RHBG: variants seen among roughly 807,000 people sequenced by gnomAD.
RHBG encodes Rh family B glycoprotein, also known as ammonium transporter Rh type B.
A neutral mutation model predicts 40.1 loss-of-function variants in RHBG; 39 were observed. The ratio of observed to expected loss-of-function variants is 0.97; its 90% CI spans 0.75 to 1.27. RHBG has a LOEUF of 1.27. Among genes scored for constraint, RHBG ranks in the 50% most tolerant of loss-of-function variants. The pLI is 0.00. For synonymous variants in RHBG, 237 were observed against 252.5 expected, an observed-to-expected ratio of 0.94 and a Z score of 0.58; for missense variants, 549 against 588.1, an observed-to-expected ratio of 0.93 and a Z score of 0.69.
At chr1:156,376,852 C>A (rs977903948) in intron 1 of RHBG, among the ~76,000 whole-genome samples, 1 of 152,012 alleles carries the variant, frequency 6.6e-6, no homozygotes, top group Non-Finnish European at 1.5e-5. Context: ...ACTTAAAAAT[C>A]CTCAAAAGGA....
At chr1:156,378,894 C>A (rs2101787686) in intron 4 of RHBG, among the ~76,000 whole-genome samples, 1 of 152,308 alleles carries the variant, frequency 6.6e-6, no homozygotes, top group South Asian at 2.1e-4. Flanking sequence ...AGCCCCTGCA[C>A]TCTCAGGCAG....
chr1:156,381,792 T>G lies in RHBG; in HGVS notation c.841-14T>G. 2 of 1,577,710 alleles carry G rather than the reference T, an allele frequency of 1.3e-6. No homozygotes were observed. The highest frequency in any genetic ancestry group is 1.7e-6 in the Non-Finnish European group (2 of 1,169,374). On this transcript the variant is annotated splice_polypyrimidine_tract_variant and intron_variant, in intron 5 of 9. Coordinates refer to ENST00000537040, the MANE Select transcript of RHBG (RefSeq NM_020407.5). Reference sequence around the variant, plus strand: ...CAATCTGAAAGGGCCTCCAACACCTTGCTCTTCCCTTAGGTCCACATCCAA... The same window carrying G: ...CAATCTGAAAGGGCCTCCAACACCTGGCTCTTCCCTTAGGTCCACATCCAA...
chr1:156,382,770 A>C lies in RHBG; in HGVS notation c.1135A>C (p.Ile379Leu), dbSNP rs747815208. The C allele has an allele frequency of 1.2e-6, 2 of 1,614,130 alleles. No individual in the cohort carries two copies. Among genetic ancestry groups the C allele is most frequent in the Non-Finnish European group, 8.5e-7 (1 of 1,180,036 alleles). The change falls in exon 8 of 10, where the codon ATA (isoleucine) becomes CTA (leucine). Residue 379 changes from isoleucine to leucine, a missense_variant. Ile to Leu is a conservative substitution (Grantham distance 5). Around this residue, in one of 3 missense-constraint regions of RHBG, gnomAD observed 399 missense variants for 417.0 expected, o/e 0.96. Coordinates refer to ENST00000537040, the MANE Select transcript of RHBG (RefSeq NM_020407.5). The stretch of plus-strand genomic sequence containing the variant: ...CAGCCTGGAGAGTGTGTTTCCACTC[A>C]TAGCCGAGGGCCAGCGCAGTGCCAC... The part of the protein sequence containing the change: ...GDGLESVFPL[I>L]AEGQRSATSQ...
chr1:156,371,453 C>T (rs1666858228), intron 1 of RHBG: 1 of 259,474 alleles, frequency 3.9e-6, no homozygotes, highest in South Asian at 3.7e-5. Context: ...AGCCACTGCA[C>T]CTGGCCCTAT....
chr1:156,372,251 G>T (rs1420727927), intron 1 of RHBG, among the ~76,000 whole-genome samples: 1 of 152,222 alleles, frequency 6.6e-6, no homozygotes, highest in Non-Finnish European at 1.5e-5. Context: ...GAGTGAGTCA[G>T]AGAGGTCATG....
At position 156,382,816 on chromosome 1, in the gene RHBG, T is replaced by A. The variant is rs1667756580; in HGVS notation, c.1181T>A (p.Leu394His). Residue 394 changes from leucine (L) to histidine (H), a missense_variant, in exon 8 of 10, where the codon CTC becomes CAC. Leu to His is a moderately conservative substitution (Grantham distance 99, BLOSUM62 -3). Coordinates refer to ENST00000537040, the MANE Select transcript of RHBG (RefSeq NM_020407.5). ...RSATSQAMHQ[L>H]FGLFVTLMFA... ...GCCACGTCACAGGCCATGCACCAGCTCTTCGGGCTGTTTGTCACACTGATG... is the reference window on the plus strand; with the variant it reads ...GCCACGTCACAGGCCATGCACCAGCACTTCGGGCTGTTTGTCACACTGATG... The A allele has an allele frequency of 1.2e-6, 2 of 1,614,214 alleles. No individual in the cohort carries two copies. The highest frequency in any genetic ancestry group is 1.7e-6 in the Non-Finnish European group (2 of 1,180,036).
Position 156,384,840 on chromosome 1 carries a change from G to C in RHBG, c.1372G>C (p.Ala458Pro). 1 of 1,608,506 alleles carries C rather than the reference G, an allele frequency of 6.2e-7. No homozygotes were observed. ...PLRVEEADTQ[A>P] is the part of the protein sequence containing the mutation. ...GAGGGTGGAGGAGGCAGACACTCAG[G>C]CCTAACCCACTGCCAGCCCCTGAGA... The change falls in exon 10 of 10, where the codon GCC (alanine) becomes CCC (proline). Residue 458 changes from alanine (A) to proline (P), a missense_variant. Around this residue, in one of 3 missense-constraint regions of RHBG, gnomAD observed 399 missense variants for 417.0 expected, o/e 0.96. Coordinates refer to ENST00000537040, the MANE Select transcript of RHBG (RefSeq NM_020407.5).
chr1:156,383,135 C>G (rs1379511019), intron 8 of RHBG, among the ~76,000 whole-genome samples: 1 of 152,186 alleles, frequency 6.6e-6, no homozygotes, highest in African/African-American at 2.4e-5. Flanking sequence ...GCTGCTCCCT[C>G]TGCCCACTAG....
intron 1 of RHBG, among the ~76,000 whole-genome samples, chr1:156,375,096 A>C (rs1250508992): frequency 6.7e-6 from 1 of 150,326 alleles, no homozygotes; most frequent in African/African-American, 2.5e-5. Flanking sequence ...TTTGAGACAG[A>C]GTTTCGCTCT....
chr1:156,369,720 A>T (rs1162745711), intron 1 of RHBG, among the ~76,000 whole-genome samples: 1 of 152,178 alleles, frequency 6.6e-6, no homozygotes, highest in Non-Finnish European at 1.5e-5. Flanking sequence ...CACAGTCACA[A>T]GTCAGGGAGT....
chr1:156,370,616 A>C (rs1666782668), intron 1 of RHBG, among the ~76,000 whole-genome samples: 1 of 37,762 alleles, frequency 2.6e-5, no homozygotes, highest in African/African-American at 1.3e-4. Flanking sequence ...CTCTGTCTCA[A>C]AAAAAAAAAA....
intron 1 of RHBG, 78 bp downstream of exon 1, chr1:156,369,514 A>G: frequency 1.4e-6 from 2 of 1,432,570 alleles, no homozygotes; most frequent in Middle Eastern, 1.8e-4. Flanking sequence ...GGGAGGGAGC[A>G]TTTGGGTGCC....
intron 1 of RHBG, among the ~76,000 whole-genome samples, chr1:156,376,838 A>T (rs1667238308): frequency 1.3e-5 from 2 of 152,286 alleles, no homozygotes; most frequent in Non-Finnish European, 2.9e-5. Context: ...TAGTAATAAT[A>T]ATAACTTAAA....
chr1:156,372,527 G>A (rs1303768137), intron 1 of RHBG, among the ~76,000 whole-genome samples: 1 of 152,182 alleles, frequency 6.6e-6, no homozygotes, highest in East Asian at 1.9e-4. Context: ...AGGATAGATG[G>A]AATCAGGATC....
intron 4 of RHBG, among the ~76,000 whole-genome samples, chr1:156,379,215 C>T (rs967148135): frequency 1.3e-5 from 2 of 152,056 alleles, no homozygotes; most frequent in East Asian, 1.9e-4. Context: ...AGGCTGGTCT[C>T]GAACTCCTGA....
chr1:156,369,241 G>C lies in RHBG; in HGVS notation c.-9G>C, dbSNP rs1383927490. On this transcript the variant is annotated 5_prime_UTR_variant, in exon 1 of 10. Transcript: ENST00000537040. ...CCTGCGAGCGCCAGCCGAGATCGCA[G>C]CCCAACCCATGGCCGGGTCTCCTAG... The C allele has an allele frequency of 6.2e-7, 1 of 1,611,426 alleles. No individual in the cohort carries two copies. Among genetic ancestry groups the C allele is most frequent in the Admixed American group, 1.7e-5 (1 of 59,788 alleles).
rs557515388 is a variant in RHBG, at chr1:156,382,784, G to T, written c.1149G>T (p.Gln383His). 6.2e-7 allele frequency: 1 copy of T among 1,614,228 alleles called. No individual in the cohort carries two copies. Among genetic ancestry groups the T allele is most frequent in the African/African-American group, 1.3e-5 (1 of 75,072 alleles). ...TGTTTCCACTCATAGCCGAGGGCCAGCGCAGTGCCACGTCACAGGCCATGC... is the reference window on the plus strand; with the variant it reads ...TGTTTCCACTCATAGCCGAGGGCCATCGCAGTGCCACGTCACAGGCCATGC... ...ESVFPLIAEG[Q>H]RSATSQAMHQ... is the part of the protein sequence containing the mutation. Residue 383 changes from glutamine (Q) to histidine (H), a missense_variant, in exon 8 of 10, where the codon CAG becomes CAT. This residue lies in a region of RHBG where 399 missense variants were observed against 417.0 expected (regional missense o/e 0.96). Transcript: ENST00000537040.
chr1:156,376,191 A>G (rs956612406), intron 1 of RHBG, among the ~76,000 whole-genome samples: 2 of 152,178 alleles, frequency 1.3e-5, no homozygotes, highest in African/African-American at 4.8e-5. Flanking sequence ...TAAAATATTC[A>G]AACTATAGAA....
chr1:156,376,366 AT>A (rs5777980), intron 1 of RHBG, among the ~76,000 whole-genome samples: 15 of 143,524 alleles, frequency 1.0e-4, no homozygotes, highest in African/African-American at 1.8e-4. Flanking sequence ...TATTTCCTAA[AT>A]TTTTTTTTTT....
Sources: allele counts gnomAD v4.1 joint callset (sites outside exome capture counted in the v4.1 genomes callset), GRCh38; gene constraint gnomAD v4.1.1; regional missense constraint gnomAD v4.1.1; transcripts MANE v1.5; gene names NCBI Gene and HGNC (gene_info 2026-07-23, HGNC 2026-07-21).